The following PLEKHA6 variants were observed in gnomAD, a reference collection of about 807,000 sequenced individuals.
The protein encoded by PLEKHA6 is pleckstrin homology domain containing A6.
Under a neutral mutation model 116.7 loss-of-function variants are expected in PLEKHA6, and 60 were observed. That is an observed-to-expected ratio of 0.51 (90% CI 0.42 to 0.64). The LOEUF is 0.64. Ranked by LOEUF, PLEKHA6 falls within the 30% of genes least tolerant of loss-of-function variation. PLEKHA6 has a pLI of 0.00. For synonymous variants in PLEKHA6, 489 were observed against 556.1 expected, an observed-to-expected ratio of 0.88 and a Z score of 1.70; for missense variants, 1,338 against 1,422.7, an observed-to-expected ratio of 0.94 and a Z score of 0.96.
chr1:204,296,372 C>T (rs1670279690), intron 1 of PLEKHA6, among the ~76,000 whole-genome samples: 1 of 152,072 alleles, frequency 6.6e-6, no homozygotes, highest in African/African-American at 2.4e-5. Flanking sequence ...GCCCCCACAT[C>T]TTGGAATTCA....
At chr1:204,255,630 T>C (rs1209712041) in intron 9 of PLEKHA6, 1 of 703,008 alleles carries the variant, frequency 1.4e-6, no homozygotes, top group East Asian at 2.7e-5. Context: ...GCCTACCTGC[T>C]GATCCAAATA....
intron 1 of PLEKHA6, among the ~76,000 whole-genome samples, chr1:204,353,014 T>C (rs560257451): frequency 3.9e-5 from 6 of 152,228 alleles, no homozygotes; most frequent in East Asian, 3.9e-4. Context: ...TAAAAATTCA[T>C]TTTTGCAACC....
At chr1:204,297,753 C>G (rs1227379564) in intron 1 of PLEKHA6, 1 of 325,336 alleles carries the variant, frequency 3.1e-6, no homozygotes, top group Non-Finnish European at 4.4e-6. Context: ...GTGGAACCAC[C>G]AGAAACATCG....
intron 1 of PLEKHA6, among the ~76,000 whole-genome samples, chr1:204,303,475 G>T (rs1230400598): frequency 6.6e-6 from 1 of 152,206 alleles, no homozygotes; most frequent in Non-Finnish European, 1.5e-5. Context: ...AGAGCATCTA[G>T]TTCAAGTCCT....
chr1:204,327,544 G>A (rs1033998287), intron 1 of PLEKHA6, among the ~76,000 whole-genome samples: 2 of 152,238 alleles, frequency 1.3e-5, no homozygotes, highest in Admixed American at 1.3e-4. Flanking sequence ...TCGTTGATTG[G>A]CACCTTGCAA....
chr1:204,360,873 C>A (rs1037597232), upstream of PLEKHA6, among the ~76,000 whole-genome samples: 2 of 152,188 alleles, frequency 1.3e-5, no homozygotes, highest in African/African-American at 2.4e-5. Context: ...TCTGTTTCTG[C>A]TTAGACAAAG....
At chr1:204,304,834 G>A (rs958306597) in intron 1 of PLEKHA6, among the ~76,000 whole-genome samples, 2 of 152,154 alleles carry the variant, frequency 1.3e-5, no homozygotes, top group Non-Finnish European at 2.9e-5. Context: ...ATGGAAGGGA[G>A]GGGGAAATTA....
intron 1 of PLEKHA6, among the ~76,000 whole-genome samples, chr1:204,294,966 C>G (rs1425848976): frequency 6.6e-6 from 1 of 152,206 alleles, no homozygotes; most frequent in African/African-American, 2.4e-5. Flanking sequence ...CACTTTGACA[C>G]CTACAGATGG....
intron 17 of PLEKHA6, among the ~76,000 whole-genome samples, chr1:204,235,611 G>A (rs544637929): frequency 3.3e-5 from 5 of 152,276 alleles, no homozygotes; most frequent in South Asian, 2.1e-4. Context: ...CTTGCCAGGC[G>A]TCTATTGTTA....
chr1:204,307,207 T>C (rs1671401137), intron 1 of PLEKHA6: 2 of 152,148 alleles, frequency 1.3e-5, no homozygotes, highest in Admixed American at 1.3e-4. Flanking sequence ...CTCACACTCA[T>C]TCATATCTGC....
intron 1 of PLEKHA6, among the ~76,000 whole-genome samples, chr1:204,328,682 G>A (rs953472705): frequency 5.3e-5 from 8 of 152,118 alleles, no homozygotes; most frequent in African/African-American, 9.7e-5. Context: ...CACTGTGCCC[G>A]GCCTCACAGT....
intron 1 of PLEKHA6, among the ~76,000 whole-genome samples, chr1:204,300,328 C>G (rs1670689616): frequency 6.6e-6 from 1 of 152,200 alleles, no homozygotes; most frequent in Non-Finnish European, 1.5e-5. Flanking sequence ...ACTTCTCCAG[C>G]CATGCAATGC....
chr1:204,241,815 C>G lies in PLEKHA6; in HGVS notation c.2173-1G>C, dbSNP rs769019732. On this transcript the variant is annotated splice_acceptor_variant, in intron 15 of 22. Transcript: ENST00000272203. LOFTEE classifies it high-confidence loss of function. ...TGCTTTGTTCATAGTTTGCCTTGGG[C>G]TGGGGAGAAAGGGTGAGAAGATGGT... 1.9e-6 allele frequency: 3 copies of G among 1,614,054 alleles called. No individual in the cohort carries two copies. The highest frequency in any genetic ancestry group is 2.5e-6 in the Non-Finnish European group (3 of 1,179,996).
intron 1 of PLEKHA6, among the ~76,000 whole-genome samples, chr1:204,327,900 A>G (rs964464121): frequency 6.6e-6 from 1 of 152,218 alleles, no homozygotes; most frequent in Non-Finnish European, 1.5e-5. Flanking sequence ...CATTTGAGGC[A>G]TATCCTCTGA....
chr1:204,253,112 T>C (rs1664787280), intron 9 of PLEKHA6, among the ~76,000 whole-genome samples: 1 of 152,328 alleles, frequency 6.6e-6, no homozygotes, highest in Non-Finnish European at 1.5e-5. Flanking sequence ...GGAGTGCTCA[T>C]TGATATTTTT....
chr1:204,298,328 C>T (rs957495090), intron 1 of PLEKHA6, among the ~76,000 whole-genome samples: 1 of 152,240 alleles, frequency 6.6e-6, no homozygotes, highest in Non-Finnish European at 1.5e-5. Flanking sequence ...AAACAATGAG[C>T]TTTCCAACAG....
chr1:204,268,458 G>A, intron 3 of PLEKHA6, 146 bp from the exon 4 acceptor site: 1 of 423,096 alleles, frequency 2.4e-6, no homozygotes. Context: ...GTGAATCTTG[G>A]ATCTATTACT....
In PLEKHA6 at chr1:204,375,176, G is replaced by T. The variant is rs564737636; in HGVS notation, c.83+2407C>A. On this transcript the variant is annotated intron_variant, in intron 1 of 4. Coordinates refer to the PLEKHA6 transcript ENST00000564627. Reference sequence around the variant, plus strand: ...GGGGTATACTCCTGTCTTTTCCCTCGCACTCTTCTGGGTCGTTCTACCCCC... The same window carrying T: ...GGGGTATACTCCTGTCTTTTCCCTCTCACTCTTCTGGGTCGTTCTACCCCC... Among the ~76,000 whole-genome samples the T allele has an allele frequency of 6.9e-4, 104 of 151,712 alleles. No homozygotes were observed. The South Asian group carries it at 7.1e-3, about 10-fold the overall frequency.
chr1:204,309,100 T>G (rs4951063), intron 1 of PLEKHA6: 7 of 959,208 alleles, frequency 7.3e-6, no homozygotes, highest in Non-Finnish European at 7.4e-6. Context: ...TAGTTTACTT[T>G]GTACAGTGCT....
Sources: gnomAD v4.1 joint callset for allele counts (sites outside exome capture counted in the v4.1 genomes callset) on GRCh38, gnomAD v4.1.1 for gene constraint, MANE v1.5 for transcripts, NCBI Gene and HGNC (gene_info 2026-07-23, HGNC 2026-07-21) for gene names.